BAZ2B: variants seen among roughly 807,000 people sequenced by gnomAD.
The protein encoded by BAZ2B is bromodomain adjacent to zinc finger domain 2B.
A neutral mutation model predicts 246.0 loss-of-function variants in BAZ2B; 91 were observed. The observed-to-expected ratio is 0.37, with a 90% CI of 0.31 to 0.44. The LOEUF (loss-of-function observed/expected upper bound fraction) is 0.44. Among genes scored for constraint, BAZ2B ranks in the 20% least tolerant of loss-of-function variants. BAZ2B has a pLI of 1.00. For synonymous variants in BAZ2B, 855 were observed against 860.0 expected (o/e 0.99, Z 0.10); for missense variants, 2,332 against 2,533.7 (o/e 0.92, Z 1.71).
At chr2:159,380,595 G>A (rs1379860970) in intron 25 of BAZ2B, among the ~76,000 whole-genome samples, 7 of 152,182 alleles carry the variant, frequency 4.6e-5, no homozygotes, top group Non-Finnish European at 1.0e-4. Flanking sequence ...TGGGAACTTG[G>A]ATTTTGGGAG....
At chr2:159,672,706 A>G in the BAZ2B span, among the ~76,000 whole-genome samples, 2 of 152,312 alleles carry the variant, frequency 1.3e-5, no homozygotes, top group East Asian at 3.9e-4. Context: ...AAAACTGACA[A>G]GTATAGATTT....
chr2:159,455,227 T>C (rs1159390817), intron 3 of BAZ2B, among the ~76,000 whole-genome samples: 1 of 151,628 alleles, frequency 6.6e-6, no homozygotes, highest in Non-Finnish European at 1.5e-5. Flanking sequence ...TATTATTTAG[T>C]TATCAACCAA....
the BAZ2B span, among the ~76,000 whole-genome samples, chr2:159,631,269 G>A: frequency 6.6e-6 from 1 of 152,146 alleles, no homozygotes; most frequent in Non-Finnish European, 1.5e-5. Context: ...TTTTTGAATT[G>A]CATAAAAACT....
chr2:159,475,950 A>G (rs548001276), intron 3 of BAZ2B, among the ~76,000 whole-genome samples: 8 of 152,214 alleles, frequency 5.3e-5, no homozygotes, highest in Non-Finnish European at 7.4e-5. Flanking sequence ...GATGCCAGCC[A>G]GAGCTCTCCT....
intron 6 of BAZ2B, among the ~76,000 whole-genome samples, chr2:159,440,804 T>G (rs915407681): frequency 6.6e-6 from 1 of 152,128 alleles, no homozygotes. Flanking sequence ...CCACCACATC[T>G]GGCCTTGCAA....
chr2:159,591,956 C>CA (rs1207285254), intron 1 of BAZ2B, among the ~76,000 whole-genome samples: 1 of 151,948 alleles, frequency 6.6e-6, no homozygotes, highest in East Asian at 1.9e-4. Flanking sequence ...GCTATCTCTA[C>CA]AAAAATTTTT....
chr2:159,587,907 A>T (rs778442906), intron 1 of BAZ2B, among the ~76,000 whole-genome samples: 117 of 124,704 alleles, frequency 9.4e-4, no homozygotes, highest in Non-Finnish European at 1.6e-3. Context: ...TAACAAAAAA[A>T]GGCCAGGAGC....
At chr2:159,362,794 A>C (rs1456929543) in intron 27 of BAZ2B, among the ~76,000 whole-genome samples, 1 of 152,132 alleles carries the variant, frequency 6.6e-6, no homozygotes, top group Non-Finnish European at 1.5e-5. Context: ...ATTAAGTTCT[A>C]TCTCTTCTCC....
intron 1 of BAZ2B, among the ~76,000 whole-genome samples, chr2:159,568,260 A>C (rs1432235833): frequency 1.3e-5 from 2 of 152,218 alleles, no homozygotes; most frequent in African/African-American, 2.4e-5. Flanking sequence ...AGAAAATCAT[A>C]TTGTTAACAT....
chr2:159,593,871 T>A (rs1177028446), intron 1 of BAZ2B, among the ~76,000 whole-genome samples: 5 of 152,178 alleles, frequency 3.3e-5, no homozygotes, highest in Admixed American at 2.0e-4. Context: ...GCCAGTTTTT[T>A]AAAAAGCCTA....
At position 159,426,711 on chromosome 2, in the gene BAZ2B, A is replaced by G. The variant is rs200900408; in HGVS notation, c.2466+1230T>C. 2.6e-5 allele frequency among the ~76,000 whole-genome samples: 4 copies of G among 152,290 alleles called. No individual in the cohort carries two copies. In the East Asian group the frequency reaches 7.7e-4, roughly 29 times the overall value. ...AGAAAATAGGTTACATGATGTATGC[A>G]AAAGATTACTTTTTCAGAAACCTTG... On this transcript the variant is annotated intron_variant, in intron 13 of 36. Transcript: ENST00000392783.
chr2:159,598,708 A>C (rs1424704681), intron 1 of BAZ2B, among the ~76,000 whole-genome samples: 1 of 152,012 alleles, frequency 6.6e-6, no homozygotes, highest in Non-Finnish European at 1.5e-5. Flanking sequence ...TCTACTAAAA[A>C]TACAAAAATT....
the BAZ2B span, among the ~76,000 whole-genome samples, chr2:159,658,230 G>A: frequency 6.6e-6 from 1 of 152,146 alleles, no homozygotes; most frequent in Non-Finnish European, 1.5e-5. Context: ...TTCATTAACT[G>A]ATCTTTGCTA....
chr2:159,621,878 G>A, the BAZ2B span, among the ~76,000 whole-genome samples: 1 of 152,148 alleles, frequency 6.6e-6, no homozygotes, highest in African/African-American at 2.4e-5. Flanking sequence ...GGCCGAGGCA[G>A]GTGGATCACC....
chr2:159,568,782 G>A (rs189152374), intron 1 of BAZ2B, among the ~76,000 whole-genome samples: 19 of 152,236 alleles, frequency 1.2e-4, no homozygotes, highest in East Asian at 1.9e-4. Context: ...ACACTTCTGA[G>A]TTTCCTAATT....
At chr2:159,518,384 C>T (rs2083664589) in intron 2 of BAZ2B, among the ~76,000 whole-genome samples, 1 of 152,088 alleles carries the variant, frequency 6.6e-6, no homozygotes. Context: ...ATATTTCAGC[C>T]CTACTTATCC....
intron 1 of BAZ2B, among the ~76,000 whole-genome samples, chr2:159,601,386 T>G (rs1387885426): frequency 6.6e-6 from 1 of 151,034 alleles, no homozygotes; most frequent in East Asian, 1.9e-4. Flanking sequence ...ATTGTGCCAC[T>G]GCACTCCAGA....
At chr2:159,615,589 A>T (rs1456538075) in intron 1 of BAZ2B, 1 of 151,908 alleles carries the variant, frequency 6.6e-6, no homozygotes, top group Non-Finnish European at 1.5e-5. Flanking sequence ...GCAGCTCGTC[A>T]GTCCGACAGG....
intron 2 of BAZ2B, among the ~76,000 whole-genome samples, chr2:159,495,267 C>T (rs1487560553): frequency 5.3e-5 from 8 of 151,304 alleles, no homozygotes; most frequent in Admixed American, 3.3e-4. Context: ...GGGCGGATCA[C>T]GAGGTCAGGA....
Sources: gnomAD v4.1 joint callset for allele counts (sites outside exome capture counted in the v4.1 genomes callset) on GRCh38, gnomAD v4.1.1 for gene constraint, MANE v1.5 for transcripts, NCBI Gene and HGNC (gene_info 2026-07-23, HGNC 2026-07-21) for gene names.